Variants in SYT1 observed in about 807,000 individuals in gnomAD.
SYT1 encodes synaptotagmin 1.
A neutral mutation model predicts 44.8 loss-of-function variants in SYT1; 8 were observed. The observed-to-expected ratio is 0.18, with a 90% CI of 0.10 to 0.32. The LOEUF (loss-of-function observed/expected upper bound fraction) is 0.32. Among genes scored for constraint, SYT1 ranks in the 10% least tolerant of loss-of-function variants. The pLI is 1.00. For missense variants in SYT1, 286 were observed against 509.3 expected, an observed-to-expected ratio of 0.56 and a Z score of 4.22; for synonymous variants, 154 against 188.8, an observed-to-expected ratio of 0.82 and a Z score of 1.51.
intron 8 of SYT1, among the ~76,000 whole-genome samples, chr12:79,336,886 A>G (rs1351052168): frequency 1.3e-5 from 2 of 151,956 alleles, no homozygotes; most frequent in African/African-American, 4.8e-5. Flanking sequence ...TTTGTTGCAC[A>G]GGCTGGTCTC....
intron 2 of SYT1, among the ~76,000 whole-genome samples, chr12:78,987,165 C>G (rs1869699562): frequency 6.6e-6 from 1 of 152,048 alleles, no homozygotes; most frequent in Non-Finnish European, 1.5e-5. Flanking sequence ...ACAAACACCA[C>G]TGTGAAGGCA....
At chr12:79,034,151 G>A (rs1872982304) in intron 2 of SYT1, among the ~76,000 whole-genome samples, 2 of 151,342 alleles carry the variant, frequency 1.3e-5, no homozygotes, top group African/African-American at 2.4e-5. Flanking sequence ...AAAAGCCCCA[G>A]GAAAACTGAT....
intron 3 of SYT1, among the ~76,000 whole-genome samples, chr12:79,206,790 T>G (rs1277472205): frequency 6.6e-6 from 1 of 152,250 alleles, no homozygotes; most frequent in Non-Finnish European, 1.5e-5. Flanking sequence ...TTTCTCATAA[T>G]ACTTTCTTGA....
At chr12:79,013,128 A>G (rs930985950) in intron 2 of SYT1, among the ~76,000 whole-genome samples, 5 of 151,710 alleles carry the variant, frequency 3.3e-5, no homozygotes, top group Admixed American at 6.6e-5. Flanking sequence ...ATTAAACACT[A>G]TTTCTATCTT....
intron 1 of SYT1, among the ~76,000 whole-genome samples, chr12:78,902,576 A>G (rs1045782799): frequency 3.3e-5 from 5 of 152,152 alleles, no homozygotes; most frequent in Non-Finnish European, 7.4e-5. Context: ...CTATAGCAAT[A>G]CTATTGATGA....
chr12:79,034,453 C>CT (rs1873001794), intron 2 of SYT1, among the ~76,000 whole-genome samples: 1 of 151,516 alleles, frequency 6.6e-6, no homozygotes, highest in Non-Finnish European at 1.5e-5. Flanking sequence ...ATTACAGAGA[C>CT]TTTTTTGCAA....
chr12:78,868,237 A>G (rs1156299182), intron 1 of SYT1, among the ~76,000 whole-genome samples: 2 of 151,880 alleles, frequency 1.3e-5, no homozygotes, highest in Non-Finnish European at 3.0e-5. Context: ...AAGAAATAAA[A>G]ACAGTTTGAT....
intron 1 of SYT1, among the ~76,000 whole-genome samples, chr12:78,876,027 T>C (rs1874050000): frequency 6.6e-6 from 1 of 151,744 alleles, no homozygotes; most frequent in Non-Finnish European, 1.5e-5. Context: ...CTTAACTTTT[T>C]ATCACATTCA....
intron 1 of SYT1, among the ~76,000 whole-genome samples, chr12:78,869,389 C>G (rs1488629505): frequency 6.6e-6 from 1 of 151,888 alleles, no homozygotes; most frequent in Non-Finnish European, 1.5e-5. Flanking sequence ...CAAATGTATG[C>G]TACCTATTAG....
chr12:79,362,573 A>G (rs553263745), intron 9 of SYT1, among the ~76,000 whole-genome samples: 2 of 152,312 alleles, frequency 1.3e-5, no homozygotes, highest in South Asian at 4.1e-4. Flanking sequence ...CAGTGGTATT[A>G]GATGACTATC....
intron 2 of SYT1, among the ~76,000 whole-genome samples, chr12:79,006,708 GA>G (rs1197360882): frequency 6.6e-6 from 1 of 152,102 alleles, no homozygotes; most frequent in Non-Finnish European, 1.5e-5. Flanking sequence ...GATATTCTCG[GA>G]AAGCTTCAGA....
intron 9 of SYT1, among the ~76,000 whole-genome samples, chr12:79,359,918 G>A (rs1431544494): frequency 1.3e-5 from 2 of 152,012 alleles, no homozygotes; most frequent in African/African-American, 4.8e-5. Context: ...TCCCTCAGGC[G>A]ATATTTATCA....
chr12:79,309,732 A>T (rs1880672057), intron 8 of SYT1, among the ~76,000 whole-genome samples: 1 of 152,248 alleles, frequency 6.6e-6, no homozygotes. Context: ...TTATAAAGCT[A>T]GTTAAATCTT....
At chr12:79,169,613 C>T (rs981382706) in intron 3 of SYT1, among the ~76,000 whole-genome samples, 1 of 151,834 alleles carries the variant, frequency 6.6e-6, no homozygotes, top group Admixed American at 6.6e-5. Flanking sequence ...ACTATGTGAC[C>T]AAATCTAGCT....
rs1446528671 is a variant in SYT1, at chr12:79,130,010, T to G, written c.-18+82648T>G. ...AAAGTAACATTTTTAGATTAAAAGT[T>G]TGCAGATCTTTATCAGAAACCTTTA... On this transcript the variant is annotated intron_variant, in intron 3 of 10. Transcript: ENST00000261205. Among the ~76,000 whole-genome samples, 4 of 152,322 alleles carry G rather than the reference T, an allele frequency of 2.6e-5. No homozygotes were observed. The East Asian group carries it at 7.7e-4, about 29-fold the overall frequency.
chr12:79,026,607 T>C (rs1362558141), intron 2 of SYT1, among the ~76,000 whole-genome samples: 1 of 147,388 alleles, frequency 6.8e-6, no homozygotes, highest in Non-Finnish European at 1.5e-5. Flanking sequence ...AACTGGATAC[T>C]GACTTGTTCC....
intron 3 of SYT1, among the ~76,000 whole-genome samples, chr12:79,102,607 G>A (rs1461785205): frequency 6.6e-6 from 1 of 152,198 alleles, no homozygotes; most frequent in Non-Finnish European, 1.5e-5. Flanking sequence ...CATCTCAACT[G>A]TCTTGTTACC....
chr12:79,349,111 G>GAGGAAGGGAGGAAGGT (rs1217091068), intron 8 of SYT1, among the ~76,000 whole-genome samples: 16 of 150,386 alleles, frequency 1.1e-4, no homozygotes, highest in Non-Finnish European at 4.4e-5. Context: ...GGACAAACAG[G>GAGGAAGGGAGGAAGGT]AGGAAGGGAG....
At chr12:79,175,472 A>T (rs187185723) in intron 3 of SYT1, among the ~76,000 whole-genome samples, 1 of 152,026 alleles carries the variant, frequency 6.6e-6, no homozygotes, top group Non-Finnish European at 1.5e-5. Context: ...ATTAGCAAGG[A>T]CCCTTCTTAA....
Sources: gnomAD v4.1 joint callset for allele counts (sites outside exome capture counted in the v4.1 genomes callset) on GRCh38, gnomAD v4.1.1 for gene constraint, MANE v1.5 for transcripts, NCBI Gene and HGNC (gene_info 2026-07-23, HGNC 2026-07-21) for gene names.